Variants in ZNF671 observed in about 807,000 individuals in gnomAD.
ZNF671 encodes zinc finger protein 671.
In ZNF671, 19 loss-of-function variants were observed where a neutral mutation model predicts 16.6. That is an observed-to-expected ratio of 1.14 (90% confidence interval 0.80 to 1.68). The LOEUF (loss-of-function observed/expected upper bound fraction) is 1.68. ZNF671 is among the 40% of genes most tolerant of loss of function. The pLI is 0.00. For missense variants in ZNF671, 637 were observed against 659.8 expected, an observed-to-expected ratio of 0.97 and a Z score of 0.38; for synonymous variants, 238 against 236.3, an observed-to-expected ratio of 1.01 and a Z score of -0.06.
chr19:57,721,347 T>C lies in ZNF671; in HGVS notation c.739A>G (p.Arg247Gly). Residue 247 changes from arginine (R) to glycine (G), a missense_variant, in exon 4 of 4, where the codon AGG becomes GGG. Physicochemically the swap from Arg to Gly is moderately radical, Grantham distance 125. Transcript: ENST00000317398. Reference protein sequence around the residue: ...PEKTLTCGKGRRDFSATSGLL... With the variant: ...PEKTLTCGKGGRDFSATSGLL... Reference sequence around the variant, plus strand: ...CCAGATGTGGCTGAAAAGTCTCTCCTACCTTTCCCACATGTGAGGGTCTTC... The same window carrying C: ...CCAGATGTGGCTGAAAAGTCTCTCCCACCTTTCCCACATGTGAGGGTCTTC... 2 of 1,611,752 alleles carry C rather than the reference T, an allele frequency of 1.2e-6. No individual in the cohort carries two copies. Among genetic ancestry groups the C allele is most frequent in the South Asian group, 1.1e-5 (1 of 90,972 alleles).
chr19:57,720,335 G>C lies in ZNF671; in HGVS notation c.*146C>G. ...CTTAGACTGCTAAGGCCTGTGTCCG[G>C]TGTGAAATTCCCAATGGCGGGTAAG... On this transcript the variant is annotated 3_prime_UTR_variant, in exon 4 of 4. Transcript: ENST00000317398. 1 of 1,121,268 alleles carries C rather than the reference G, an allele frequency of 8.9e-7. No homozygotes were observed. The highest frequency in any genetic ancestry group is 1.5e-5 in the South Asian group (1 of 66,350). 69.5% of individuals were successfully genotyped at this position (1,121,268 alleles called of 1,614,324 possible).
intron 3 of ZNF671, 132 bp downstream of exon 3, chr19:57,722,184 T>C (rs576193651): frequency 2.1e-6 from 3 of 1,412,826 alleles, no homozygotes; most frequent in African/African-American, 2.9e-5. Flanking sequence ...TATCTTCGTG[T>C]CAAGAACAGG....
At position 57,722,408 on chromosome 19, in the gene ZNF671, A is replaced by G. The variant is rs781493248; in HGVS notation, c.296T>C (p.Met99Thr). 1 of 1,613,920 alleles carries G rather than the reference A, an allele frequency of 6.2e-7. No homozygotes were observed. The highest frequency in any genetic ancestry group is 8.5e-7 in the Non-Finnish European group (1 of 1,180,016). ...GIAFSRSRAV[M>T]KLERGEEPWV... ...GGGCTCTTCTCCTCGCTCTAGTTTC[A>G]TGACTGCACGTGATCTGGAAAATGC... is the stretch of plus-strand genomic sequence containing the variant. Residue 99 changes from methionine (M) to threonine (T), a missense_variant, in exon 3 of 4, where the codon ATG becomes ACG. Met to Thr is a moderately conservative substitution (Grantham distance 81). Transcript: ENST00000317398.
At position 57,720,248 on chromosome 19, in the gene ZNF671, A is replaced by G. The variant is rs572595317; in HGVS notation, c.*233T>C. On this transcript the variant is annotated 3_prime_UTR_variant, in exon 4 of 4. Coordinates refer to ENST00000317398, the MANE Select transcript of ZNF671 (RefSeq NM_024833.3). ...ACTTCTTACTGATGGTTCCCTCCCA[A>G]TGGCTGCTCCCAGAGTTCCACTCTA... 14 of 599,402 alleles carry G rather than the reference A, an allele frequency of 2.3e-5. No individual in the cohort carries two copies. Among genetic ancestry groups the G allele is most frequent in the African/African-American group, 3.6e-5 (2 of 55,352 alleles). 37.1% of individuals were successfully genotyped at this position (599,402 alleles called of 1,614,324 possible). A position where few individuals can be genotyped will look rare whatever the true frequency, so the allele number is the denominator to read the frequency against.
In ZNF671 at chr19:57,720,949, G is replaced by A. The variant is rs1985841324; in HGVS notation, c.1137C>T (p.Ser379=). 6.2e-7 allele frequency: 1 copy of A among 1,613,986 alleles called. No individual in the cohort carries two copies. The highest frequency in any genetic ancestry group is 1.3e-5 in the African/African-American group (1 of 74,872). Residue 379 remains serine (S), a synonymous_variant, in exon 4 of 4, where the codon AGC becomes AGT. Coordinates refer to ENST00000317398, the MANE Select transcript of ZNF671 (RefSeq NM_024833.3). ...YQCGKCGKFF[S]SKSNLIRHQE... ...GGTGTCGAATGAGATTAGACTTACT[G>A]CTAAAAAATTTCCCACATTTGCCAC...
intron 1 of ZNF671, among the ~76,000 whole-genome samples, chr19:57,726,651 C>G (rs1042268729): frequency 2.6e-5 from 4 of 152,162 alleles, no homozygotes; most frequent in African/African-American, 9.7e-5. Flanking sequence ...CCGCTCCCTT[C>G]ACCCCAAAGA....
chr19:57,727,092 TAATCTC>T (rs1469060012), intron 1 of ZNF671: 1 of 327,698 alleles, frequency 3.1e-6, no homozygotes, highest in Non-Finnish European at 5.6e-6. Context: ...AACCCTCAGT[TAATCTC>T]AACGCCCTCA....
chr19:57,727,482 C>T lies in ZNF671; in HGVS notation c.47G>A (p.Arg16Gln), dbSNP rs770566178. Residue 16 changes from arginine to glutamine, a missense_variant, in exon 1 of 4, where the codon CGG becomes CAG. Arg to Gln is a conservative substitution (Grantham distance 43). Coordinates refer to ENST00000317398, the MANE Select transcript of ZNF671 (RefSeq NM_024833.3). ...TCTCGATCGGGGACGCAGGCACTTC[C>T]GTCCCTGCAGAGCATCAGACGCGTC... ...SRDASDALQG[R>Q]KCLRPRSRRL... 2 of 1,613,156 alleles carry T rather than the reference C, an allele frequency of 1.2e-6. No individual in the cohort carries two copies. The highest frequency in any genetic ancestry group is 3.3e-5 in the Admixed American group (2 of 59,948).
chr19:57,722,184 T>G, intron 3 of ZNF671, 132 bp downstream of exon 3: 2 of 1,412,826 alleles, frequency 1.4e-6, no homozygotes, highest in Non-Finnish European at 1.9e-6. Flanking sequence ...TATCTTCGTG[T>G]CAAGAACAGG....
At chr19:57,724,167 T>C (rs1004402673) in intron 1 of ZNF671, among the ~76,000 whole-genome samples, 1 of 152,144 alleles carries the variant, frequency 6.6e-6, no homozygotes, top group Non-Finnish European at 1.5e-5. Context: ...GCCCTGTTCC[T>C]TTTTTCAATC....
At chr19:57,722,233 G>T in intron 3 of ZNF671, 83 bp downstream of exon 3, 1 of 1,567,280 alleles carries the variant, frequency 6.4e-7, no homozygotes. Flanking sequence ...ACTGGCCCTG[G>T]AAACAAACAC....
At chr19:57,722,523 C>T in intron 2 of ZNF671, 85 bp from the exon 3 acceptor site, 1 of 1,575,182 alleles carries the variant, frequency 6.3e-7, no homozygotes, top group Non-Finnish European at 8.6e-7. Context: ...GAAAAATAAC[C>T]TGGGAGGAGT....
rs778629907 is a variant in ZNF671 at position 57,727,408 on chromosome 19, G to C, written c.121C>G (p.Leu41Val). 6.2e-7 allele frequency: 1 copy of C among 1,606,340 alleles called. No homozygotes were observed. The highest frequency in any genetic ancestry group is 8.5e-7 in the Non-Finnish European group (1 of 1,174,636). ...GCACCCACCCGCGCGGAGTCCGTTAGCTCCGCCATAGGACCGTGGGCGCGG... is the reference window on the plus strand; with the variant it reads ...GCACCCACCCGCGCGGAGTCCGTTACCTCCGCCATAGGACCGTGGGCGCGG... ...AVRAHGPMAE[L>V]TDSARGCVVF... The change falls in exon 1 of 4, where the codon CTA (leucine) becomes GTA (valine). Residue 41 changes from leucine to valine, a missense_variant. Leu to Val is a conservative substitution (Grantham distance 32, BLOSUM62 1). Transcript: ENST00000317398.
At position 57,721,417 on chromosome 19, in the gene ZNF671, CT is replaced by C. The variant is rs2122455954; in HGVS notation, c.668del (p.Lys223ArgfsTer7). On this transcript the variant is annotated frameshift_variant, in exon 4 of 4. Coordinates refer to ENST00000317398, the MANE Select transcript of ZNF671 (RefSeq NM_024833.3). LOFTEE classifies it low-confidence loss of function (END_TRUNC). The part of the protein sequence containing the change: ...QPNGGKLFPR[K>X]EGRDSVKSCR... ...AGCTTTTCACAGAGTCTCTGCCCTC[CT>C]TCCTTGGGAAAAGTTTCCCTCCATT... 3 of 1,614,242 alleles carry C rather than the reference CT, an allele frequency of 1.9e-6. No homozygotes were observed. In the East Asian group the frequency reaches 6.7e-5, roughly 36 times the overall value.
chr19:57,725,696 G>A (rs1986020994), intron 1 of ZNF671, among the ~76,000 whole-genome samples: 1 of 151,744 alleles, frequency 6.6e-6, no homozygotes, highest in African/African-American at 2.4e-5. Flanking sequence ...CAGCACTTTG[G>A]GAGGCCGAAG....
At chr19:57,723,866 T>TA (rs11310575) in intron 1 of ZNF671, among the ~76,000 whole-genome samples, 1,831 of 126,978 alleles carry the variant, frequency 0.014, 20 homozygotes, top group Non-Finnish European at 0.021. Context: ...CCGTCTCTAC[T>TA]AAAAAAAAAA....
Position 57,721,162 on chromosome 19 carries a change from A to G in ZNF671, c.924T>C (p.Thr308=). Residue 308 remains threonine, a synonymous_variant, in exon 4 of 4, where the codon ACT becomes ACC. Coordinates refer to ENST00000317398, the MANE Select transcript of ZNF671 (RefSeq NM_024833.3). ...CGTTACACTCATAAGGCCTTTCTCC[A>G]GTGTGGATTCTCTGATGCCGAGCAA... is the stretch of plus-strand genomic sequence containing the variant. ...DTLARHQRIH[T]GERPYECNEC... is the part of the protein sequence containing the mutation. The G allele has an allele frequency of 6.2e-7, 1 of 1,613,962 alleles. No individual in the cohort carries two copies. Among genetic ancestry groups the G allele is most frequent in the Non-Finnish European group, 8.5e-7 (1 of 1,179,858 alleles).
chr19:57,720,434 A>C lies in ZNF671; in HGVS notation c.*47T>G. On this transcript the variant is annotated 3_prime_UTR_variant, in exon 4 of 4. Coordinates refer to ENST00000317398, the MANE Select transcript of ZNF671 (RefSeq NM_024833.3). ...TACTGCTAGTTCCCCACCATATAGTAAGTCAGGGGCATTGGCCTAAGACTT... is the reference window on the plus strand; with the variant it reads ...TACTGCTAGTTCCCCACCATATAGTCAGTCAGGGGCATTGGCCTAAGACTT... The C allele has an allele frequency of 6.3e-7, 1 of 1,577,476 alleles. No individual in the cohort carries two copies. The highest frequency in any genetic ancestry group is 8.6e-7 in the Non-Finnish European group (1 of 1,158,750).
At chr19:57,722,894 CA>C (rs900078030) in intron 2 of ZNF671, among the ~76,000 whole-genome samples, 62 of 139,048 alleles carry the variant, frequency 4.5e-4, no homozygotes, top group South Asian at 1.6e-3. Context: ...GACCCTGACT[CA>C]AAAAAAAAAA....
Sources: allele counts gnomAD v4.1 joint callset (sites outside exome capture counted in the v4.1 genomes callset), GRCh38; gene constraint gnomAD v4.1.1; transcripts MANE v1.5; gene names NCBI Gene and HGNC (gene_info 2026-07-23, HGNC 2026-07-21).